The following PTPRD variants were observed in gnomAD, a reference collection of about 807,000 sequenced individuals.
PTPRD encodes protein tyrosine phosphatase receptor type D, also known as receptor-type tyrosine-protein phosphatase delta.
A neutral mutation model predicts 214.5 loss-of-function variants in PTPRD; 34 were observed. The observed-to-expected ratio is 0.16, with a 90% confidence interval of 0.12 to 0.21. The LOEUF (loss-of-function observed/expected upper bound fraction) is 0.21, where lower values mean the gene tolerates loss of function less well. Among genes scored for constraint, PTPRD ranks in the 10% least tolerant of loss-of-function variants. The pLI is 1.00. For missense variants in PTPRD, 2,545 were observed against 2,398.7 expected (o/e 1.06, Z -1.27); for synonymous variants, 1,128 against 845.7 (o/e 1.33, Z -5.79).
At chr9:8,586,274 T>C (rs1378492213) in intron 14 of PTPRD, among the ~76,000 whole-genome samples, 2 of 149,716 alleles carry the variant, frequency 1.3e-5, no homozygotes, top group Non-Finnish European at 3.0e-5. Context: ...CACTCCAGCC[T>C]GGTGACAGAG....
chr9:10,532,135 T>C (rs1055809744), intron 2 of PTPRD: 2 of 152,178 alleles, frequency 1.3e-5, no homozygotes, highest in Non-Finnish European at 2.9e-5. Context: ...TATAAGATTT[T>C]AGATTACTTC....
At chr9:10,123,628 A>G (rs1273589321) in intron 3 of PTPRD, among the ~76,000 whole-genome samples, 1 of 152,196 alleles carries the variant, frequency 6.6e-6, no homozygotes, top group African/African-American at 2.4e-5. Context: ...ATGGACTTTT[A>G]AAAGATGAGG....
At chr9:8,646,720 T>C (rs999655185) in intron 12 of PTPRD, among the ~76,000 whole-genome samples, 1 of 152,182 alleles carries the variant, frequency 6.6e-6, no homozygotes, top group Admixed American at 6.5e-5. Context: ...TTCATTATAG[T>C]TATTTTAAGC....
At chr9:9,325,975 G>C (rs911785812) in intron 9 of PTPRD, among the ~76,000 whole-genome samples, 5 of 152,038 alleles carry the variant, frequency 3.3e-5, no homozygotes, top group African/African-American at 1.2e-4. Context: ...CTTCGGTTCT[G>C]TTTATGCGAT....
chr9:9,357,047 C>T (rs1237695511), intron 9 of PTPRD, among the ~76,000 whole-genome samples: 7 of 151,304 alleles, frequency 4.6e-5, no homozygotes, highest in Admixed American at 2.0e-4. Flanking sequence ...CTCATTCCTT[C>T]TCTTCATTTA....
chr9:10,478,647 A>G (rs7022460), intron 2 of PTPRD, among the ~76,000 whole-genome samples: 2,999 of 152,114 alleles, frequency 0.02, 96 homozygotes, highest in African/African-American at 0.068. Flanking sequence ...TAAACTTTCC[A>G]TTTTACAATT....
At chr9:9,007,260 C>T (rs930966192) in intron 11 of PTPRD, among the ~76,000 whole-genome samples, 2 of 150,304 alleles carry the variant, frequency 1.3e-5, no homozygotes, top group African/African-American at 4.9e-5. Flanking sequence ...TTCACTCTAC[C>T]CTTCAACTCT....
At chr9:9,409,808 T>C (rs1051127363) in intron 8 of PTPRD, among the ~76,000 whole-genome samples, 2 of 152,262 alleles carry the variant, frequency 1.3e-5, no homozygotes, top group African/African-American at 2.4e-5. Flanking sequence ...TTTTAATCCA[T>C]ATATAAACTC....
intron 3 of PTPRD, among the ~76,000 whole-genome samples, chr9:10,141,928 A>G (rs1322095681): frequency 3.3e-5 from 5 of 152,142 alleles, no homozygotes; most frequent in South Asian, 2.1e-4. Context: ...AAACAGAGAT[A>G]TAGATCAATG....
chr9:9,243,882 T>C (rs2131151742), intron 9 of PTPRD, among the ~76,000 whole-genome samples: 1 of 152,276 alleles, frequency 6.6e-6, no homozygotes, highest in South Asian at 2.1e-4. Context: ...ATTGTATATC[T>C]AGAAAACCCC....
intron 12 of PTPRD, among the ~76,000 whole-genome samples, chr9:8,715,807 C>A (rs1166220670): frequency 1.3e-5 from 2 of 152,212 alleles, no homozygotes; most frequent in Non-Finnish European, 2.9e-5. Flanking sequence ...ATTCTAGAGA[C>A]AATTACAACA....
chr9:9,893,842 A>G (rs568380758), intron 5 of PTPRD, among the ~76,000 whole-genome samples: 1 of 151,918 alleles, frequency 6.6e-6, no homozygotes, highest in South Asian at 2.1e-4. Flanking sequence ...TTTTTTAGAG[A>G]CAAGATCTTT....
At chr9:8,327,984 G>T (rs1429713173) in intron 44 of PTPRD, among the ~76,000 whole-genome samples, 1 of 152,172 alleles carries the variant, frequency 6.6e-6, no homozygotes, top group South Asian at 2.1e-4. Flanking sequence ...TGGCCAGTGT[G>T]TGTCTTTTAA....
intron 11 of PTPRD, among the ~76,000 whole-genome samples, chr9:8,907,536 ATAT>A (rs869190429): frequency 3.1e-4 from 30 of 97,598 alleles, no homozygotes; most frequent in Non-Finnish European, 3.9e-4. Context: ...AAAAAAAAAT[ATAT>A]ATATATATAT....
Position 10,130,173 on chromosome 9 carries a change from A to ATTT in PTPRD, c.-544-96386_-544-96384dup, listed in dbSNP as rs71321226. Among the ~76,000 whole-genome samples the ATTT allele has an allele frequency of 3.1e-3, 452 of 143,838 alleles. 7 individuals are homozygous for ATTT. Among genetic ancestry groups the ATTT allele is most frequent in the South Asian group, 0.016 (72 of 4,570 alleles). 94.4% of individuals were successfully genotyped at this position (143,838 alleles called of 152,430 possible). A position where few individuals can be genotyped will look rare whatever the true frequency, so the allele number is the denominator to read the frequency against. On this transcript the variant is annotated intron_variant, in intron 3 of 45. Coordinates refer to ENST00000381196, the MANE Select transcript of PTPRD (RefSeq NM_002839.4). ...GTTTTACATAATCTGACTCAAATCT[A>ATTT]TTTTTTTTTTTTTTGGCTCTTTCTT...
intron 2 of PTPRD, among the ~76,000 whole-genome samples, chr9:10,370,894 G>C (rs913817303): frequency 3.9e-5 from 6 of 151,948 alleles, no homozygotes; most frequent in African/African-American, 1.2e-4. Flanking sequence ...CCCCTGGTCT[G>C]AGTGAGTGTT....
At chr9:8,723,627 GTA>G (rs2098525740) in intron 12 of PTPRD, among the ~76,000 whole-genome samples, 1 of 152,160 alleles carries the variant, frequency 6.6e-6, no homozygotes, top group African/African-American at 2.4e-5. Flanking sequence ...TAAAAGATAA[GTA>G]TAGATATTAG....
At chr9:9,778,808 GTT>G (rs1190985896) in intron 5 of PTPRD, among the ~76,000 whole-genome samples, 18 of 151,906 alleles carry the variant, frequency 1.2e-4, no homozygotes, top group Admixed American at 1.2e-3. Flanking sequence ...GGAGTACAGA[GTT>G]ATTCCTACAA....
At chr9:9,333,527 A>ATATATATATATATATAT (rs1569567453) in intron 9 of PTPRD, among the ~76,000 whole-genome samples, 56 of 124,052 alleles carry the variant, frequency 4.5e-4, no homozygotes, top group African/African-American at 2.5e-3. Flanking sequence ...TATATATATA[A>ATATATATATATATATAT]AGTCTGCAAT....
Sources: allele counts gnomAD v4.1 joint callset (sites outside exome capture counted in the v4.1 genomes callset), GRCh38; gene constraint gnomAD v4.1.1; transcripts MANE v1.5; gene names NCBI Gene and HGNC (gene_info 2026-07-23, HGNC 2026-07-21).